The following MMP10 variants were observed in gnomAD, a reference collection of about 807,000 sequenced individuals.
MMP10 encodes the protein matrix metallopeptidase 10.
A neutral mutation model predicts 49.1 loss-of-function variants in MMP10; 50 were observed. The ratio of observed to expected loss-of-function variants is 1.02; its 90% CI spans 0.81 to 1.29. MMP10 has a LOEUF of 1.29. Ranked by LOEUF, MMP10 falls within the 50% of genes most tolerant of loss-of-function variation. The probability of loss-of-function intolerance (pLI) is 0.00; values close to 1 mark genes in which losing one functional copy is unlikely to be tolerated. For missense variants in MMP10, 613 were observed against 563.8 expected, an observed-to-expected ratio of 1.09 and a Z score of -0.88; for synonymous variants, 229 against 201.6, an observed-to-expected ratio of 1.14 and a Z score of -1.15.
Position 102,776,724 on chromosome 11 carries a change from G to A in MMP10, c.675C>T (p.Leu225=), listed in dbSNP as rs778148600. The A allele has an allele frequency of 1.5e-5, 24 of 1,613,906 alleles. No individual in the cohort carries two copies. Among genetic ancestry groups the A allele is most frequent in the Non-Finnish European group, 1.9e-5 (23 of 1,179,942 alleles). The change falls in exon 5 of 10, where the codon CTC becomes CTT. Residue 225 remains leucine (L), a synonymous_variant. Coordinates refer to ENST00000279441, the MANE Select transcript of MMP10 (RefSeq NM_002425.3). ...AAHELGHSLG[L]FHSANTEALM... ...AAGCTTCAGTGTTGGCTGAGTGAAA[G>A]AGCCCCAGGGAGTGGCCAAGTTCAT... is the stretch of plus-strand genomic sequence containing the variant.
chr11:102,777,702 TA>T (rs1217750154), intron 4 of MMP10, among the ~76,000 whole-genome samples: 20 of 152,202 alleles, frequency 1.3e-4, no homozygotes, highest in African/African-American at 4.6e-4. Flanking sequence ...AAAAATATTA[TA>T]AAAAGGGTTT....
intron 6 of MMP10, 90 bp from the exon 7 acceptor site, chr11:102,775,411 C>A: frequency 9.0e-7 from 1 of 1,108,844 alleles, no homozygotes; most frequent in South Asian, 1.9e-5. Context: ...CTAATTCACC[C>A]ATTCATAGAA....
At chr11:102,779,781 AT>A (rs758682781) in intron 1 of MMP10, 36 bp from the exon 2 acceptor site, 1 of 1,580,556 alleles carries the variant, frequency 6.3e-7, no homozygotes, top group East Asian at 2.3e-5. Flanking sequence ...CATTTTTGTG[AT>A]TTTCCATCAT....
At position 102,777,465 on chromosome 11, in the gene MMP10, G is replaced by A. The variant is rs17860965; in HGVS notation, c.623-689C>T. Among the ~76,000 whole-genome samples, 259 of 152,138 alleles carry A rather than the reference G, an allele frequency of 1.7e-3. 2 individuals are homozygous for A. The highest frequency in any genetic ancestry group is 0.016 in the Admixed American group (249 of 15,294). On this transcript the variant is annotated intron_variant, in intron 4 of 9. Coordinates refer to ENST00000279441, the MANE Select transcript of MMP10 (RefSeq NM_002425.3). Reference sequence around the variant, plus strand: ...AGATAAGGTTTCACCATGTTGGCTAGGCTGGTCTCAAACTCCTGGTCTCAA... The same window carrying A: ...AGATAAGGTTTCACCATGTTGGCTAAGCTGGTCTCAAACTCCTGGTCTCAA...
At position 102,772,028 on chromosome 11, in the gene MMP10, A is replaced by G. The variant is rs1861980819; in HGVS notation, c.1314T>C (p.Ala438=). 1 of 1,610,110 alleles carries G rather than the reference A, an allele frequency of 6.2e-7. No homozygotes were observed. The highest frequency in any genetic ancestry group is 1.3e-5 in the African/African-American group (1 of 74,980). The change falls in exon 9 of 10, where the codon GCT becomes GCC. Residue 438 remains alanine, a synonymous_variant. Coordinates refer to ENST00000279441, the MANE Select transcript of MMP10 (RefSeq NM_002425.3). This position sits in a 1 kb window ranked among gnomAD's most constrained non-coding sequence, Gnocchi z 4.4. ...TCTTCTTACCAAATGCCTGTAATACAGCATCAACCTTAGGCTCAACTCCTG... is the reference window on the plus strand; with the variant it reads ...TCTTCTTACCAAATGCCTGTAATACGGCATCAACCTTAGGCTCAACTCCTG... ...DFPGVEPKVD[A]VLQAFGFFYF...
rs746023381 is a variant in MMP10, at chr11:102,770,784, C to T, written c.*9G>A. On this transcript the variant is annotated 3_prime_UTR_variant, in exon 10 of 10. Transcript: ENST00000279441. ...AAAAACACCCATATCTGTCTTCCCC[C>T]TATCTCGCCTAGCAATGTAACCAGC... 3.2e-6 allele frequency: 5 copies of T among 1,561,936 alleles called. No homozygotes were observed. In the African/African-American group the frequency reaches 5.5e-5, roughly 17 times the overall value.
intron 7 of MMP10, among the ~76,000 whole-genome samples, chr11:102,774,714 A>C (rs1238834971): frequency 6.6e-6 from 1 of 152,208 alleles, no homozygotes; most frequent in Non-Finnish European, 1.5e-5. Flanking sequence ...CTGATAAAGA[A>C]GCCTCTATAC....
chr11:102,780,164 T>G (rs1045683674), intron 1 of MMP10, among the ~76,000 whole-genome samples: 1 of 152,214 alleles, frequency 6.6e-6, no homozygotes, highest in Non-Finnish European at 1.5e-5. Context: ...AAACTTAGCA[T>G]GCTCCCCTCC....
At chr11:102,776,836 C>G in intron 4 of MMP10, 60 bp from the exon 5 acceptor site, 1 of 1,597,108 alleles carries the variant, frequency 6.3e-7, no homozygotes, top group Non-Finnish European at 8.6e-7. Context: ...AATACACATA[C>G]AGAACATATG....
At chr11:102,773,062 A>T (rs1591702815) in intron 7 of MMP10, 56 bp from the exon 8 acceptor site, 1 of 1,505,392 alleles carries the variant, frequency 6.6e-7, no homozygotes, top group Admixed American at 2.1e-5. Context: ...TTTAAAAATA[A>T]TTATAGTGCA....
At chr11:102,771,025 C>G (rs1243980183) in intron 9 of MMP10, 132 bp from the exon 10 acceptor site, 2 of 584,262 alleles carry the variant, frequency 3.4e-6, no homozygotes, top group South Asian at 5.1e-5. Context: ...AAGCACTGAG[C>G]TAAGTGCTTT....
intron 4 of MMP10, among the ~76,000 whole-genome samples, chr11:102,778,234 A>G (rs1034913205): frequency 2.0e-5 from 3 of 152,308 alleles, no homozygotes; most frequent in East Asian, 1.9e-4. Context: ...AAGGAGGCCA[A>G]TGAGAAGAAA....
intron 4 of MMP10, among the ~76,000 whole-genome samples, chr11:102,778,114 C>A (rs546736541): frequency 1.3e-5 from 2 of 151,706 alleles, no homozygotes; most frequent in African/African-American, 2.4e-5. Context: ...CAATTTAGGG[C>A]GAAAAAAACC....
chr11:102,772,782 C>A lies in MMP10; in HGVS notation c.1226+65G>T, dbSNP rs906496555. On this transcript the variant is annotated intron_variant, in intron 8 of 9. Coordinates refer to ENST00000279441, the MANE Select transcript of MMP10 (RefSeq NM_002425.3). This position sits in a 1 kb window ranked among gnomAD's most constrained non-coding sequence, Gnocchi z 4.4. ...GGGTGGGTGTAGGGTAGGGAAATAT[C>A]CTTAAAGAAAGAAAATAATTTTCTT... 44 of 1,530,724 alleles carry A rather than the reference C, an allele frequency of 2.9e-5. No individual in the cohort carries two copies. The African/African-American group carries it at 5.1e-4, about 18-fold the overall frequency. 94.8% of individuals were successfully genotyped at this position (1,530,724 alleles called of 1,614,324 possible). A position where few individuals can be genotyped will look rare whatever the true frequency, so the allele number is the denominator to read the frequency against.
intron 1 of MMP10, 150 bp from the exon 2 acceptor site, chr11:102,779,895 C>A: frequency 1.1e-6 from 1 of 910,214 alleles, no homozygotes; most frequent in Non-Finnish European, 1.6e-6. Flanking sequence ...CCATTTCATA[C>A]AAATTTTTAA....
chr11:102,770,884 T>G lies in MMP10; in HGVS notation c.1340A>C (p.Tyr447Ser), dbSNP rs1425748737. The G allele has an allele frequency of 1.2e-6, 2 of 1,608,110 alleles. No homozygotes were observed. Among genetic ancestry groups the G allele is most frequent in the Non-Finnish European group, 1.7e-6 (2 of 1,175,836 alleles). The change falls in exon 10 of 10, where the codon TAC becomes TCC. Residue 447 changes from tyrosine to serine, a missense_variant. Coordinates refer to ENST00000279441, the MANE Select transcript of MMP10 (RefSeq NM_002425.3). ...AAACTGTGATGATCCACTGAAGAAG[T>G]AGAAAAATCCTGTAAATATAGATAA... ...DAVLQAFGFF[Y>S]FFSGSSQFEF...
rs778432507 is a variant in MMP10, at chr11:102,779,717, T to C, written c.134A>G (p.Glu45Gly). ...TCTTCTAAACTGTTTCACATCCTTTTCGAGGTTGTAGTACTTTTCTAGGTA... is the reference window on the plus strand; with the variant it reads ...TCTTCTAAACTGTTTCACATCCTTTCCGAGGTTGTAGTACTTTTCTAGGTA... Reference protein sequence around the residue: ...QQYLEKYYNLEKDVKQFRRKD... With the variant: ...QQYLEKYYNLGKDVKQFRRKD... The change falls in exon 2 of 10, where the codon GAA becomes GGA. Residue 45 changes from glutamate (E) to glycine (G), a missense_variant. By Grantham distance (98) the Glu-to-Gly change is moderately conservative. Coordinates refer to ENST00000279441, the MANE Select transcript of MMP10 (RefSeq NM_002425.3). 1.9e-6 allele frequency: 3 copies of C among 1,613,942 alleles called. No homozygotes were observed. The highest frequency in any genetic ancestry group is 2.5e-6 in the Non-Finnish European group (3 of 1,179,908).
At chr11:102,771,821 A>ACG (rs1861978857) in intron 9 of MMP10, among the ~76,000 whole-genome samples, 191 bp downstream of exon 9, 1 of 151,054 alleles carries the variant, frequency 6.6e-6, no homozygotes, top group Non-Finnish European at 1.5e-5. Flanking sequence ...AAACACACAC[A>ACG]CACACACACA....
At chr11:102,773,831 A>C (rs1288327171) in intron 7 of MMP10, among the ~76,000 whole-genome samples, 4 of 152,192 alleles carry the variant, frequency 2.6e-5, no homozygotes, top group Non-Finnish European at 5.9e-5. Context: ...CAGTCCCAGC[A>C]CTTGTCATAT....
Sources: allele counts gnomAD v4.1 joint callset (sites outside exome capture counted in the v4.1 genomes callset), GRCh38; gene constraint gnomAD v4.1.1; non-coding constraint Gnocchi (gnomAD v3.1); transcripts MANE v1.5; gene names NCBI Gene and HGNC (gene_info 2026-07-23, HGNC 2026-07-21).